Variants in ZNF226 observed in about 807,000 individuals in gnomAD.
ZNF226 encodes the protein zinc finger protein 226, also known as Kruppel-associated box protein.
In ZNF226, 6 loss-of-function variants were observed where a neutral mutation model predicts 11.4. The ratio of observed to expected loss-of-function variants is 0.53; its 90% confidence interval spans 0.29 to 1.04. ZNF226 has a LOEUF of 1.04. Ranked by LOEUF, ZNF226 falls within the 50% of genes least tolerant of loss-of-function variation. The pLI, the probability that ZNF226 is intolerant of heterozygous loss-of-function variation, is 0.08. For synonymous variants in ZNF226, 350 were observed against 322.8 expected (o/e 1.08, Z -0.90); for missense variants, 1,058 against 956.5 (o/e 1.11, Z -1.40).
At chr19:44,173,438 A>T (rs1970350204) in intron 5 of ZNF226, 1 of 168,088 alleles carries the variant, frequency 5.9e-6, no homozygotes, top group African/African-American at 2.4e-5. Flanking sequence ...TTCTTCATTC[A>T]TTTCTTTGCT....
intron 2 of ZNF226, among the ~76,000 whole-genome samples, chr19:44,167,283 T>C (rs1177437013): frequency 6.6e-6 from 1 of 151,996 alleles, no homozygotes. Context: ...ATCGTTATTA[T>C]TCTGATTAAT....
chr19:44,165,671 C>G (rs1350521067), intron 1 of ZNF226, 86 bp from the exon 2 acceptor site: 1 of 152,194 alleles, frequency 6.6e-6, no homozygotes, highest in Non-Finnish European at 1.5e-5. Context: ...AGGGTTGCTT[C>G]TAACTGGTCC....
At chr19:44,171,745 C>G (rs1331550209) in intron 3 of ZNF226, among the ~76,000 whole-genome samples, 1 of 152,186 alleles carries the variant, frequency 6.6e-6, no homozygotes, top group Non-Finnish European at 1.5e-5. Flanking sequence ...ACGCTGCTCA[C>G]TTGGCTCCCA....
chr19:44,198,288 G>A, the ZNF226 span, among the ~76,000 whole-genome samples: 17 of 152,152 alleles, frequency 1.1e-4, no homozygotes, highest in African/African-American at 4.1e-4. Context: ...ATTCTTGACT[G>A]TTGCTTTTGT....
chr19:44,171,971 G>C (rs1201963629), intron 3 of ZNF226, 117 bp from the exon 4 acceptor site: 1 of 1,393,314 alleles, frequency 7.2e-7, no homozygotes, highest in Non-Finnish European at 1.0e-6. Flanking sequence ...GACAGGAGAA[G>C]GGCTGGGAAA....
chr19:44,196,451 G>A, the ZNF226 span, among the ~76,000 whole-genome samples: 2 of 152,150 alleles, frequency 1.3e-5, no homozygotes, highest in South Asian at 4.1e-4. Context: ...CAAAAGTATG[G>A]ACTAACACTG....
rs201830106 is a variant in ZNF226 at position 44,177,642 on chromosome 19, G to T, written c.2380G>T (p.Glu794Ter). Residue 794 changes from glutamate to a stop codon, truncating the protein, a stop_gained, in exon 6 of 6, where the codon GAA (glutamate) becomes TAA (stop). Transcript: ENST00000337433. LOFTEE classifies it high-confidence loss of function. The part of the protein sequence containing the change: ...KSNRGGKNIR[E>*]STQEKKSIK ...TAATAGGGGTGGTAAGAACATCAGA[G>T]AATCCACACAGGAAAAAAAATCTAT... 9.8e-5 allele frequency: 156 copies of T among 1,596,748 alleles called. No homozygotes were observed. The highest frequency in any genetic ancestry group is 1.2e-4 in the Non-Finnish European group (144 of 1,172,626).
At chr19:44,184,945 G>C in the ZNF226 span, among the ~76,000 whole-genome samples, 1 of 152,022 alleles carries the variant, frequency 6.6e-6, no homozygotes, top group African/African-American at 2.4e-5. Context: ...CCCAGCCCCT[G>C]GTAACTACCT....
chr19:44,176,742 CAG>C lies in ZNF226; in HGVS notation c.1485_1486del (p.Arg495SerfsTer12), dbSNP rs767274447. ...TCTGAGTTCAAATCTTCAAGCCCATCAGAGAGTCCACACTGGAGAGAAGCCAT... is the reference window on the plus strand; with the variant it reads ...TCTGAGTTCAAATCTTCAAGCCCATCAGAGTCCACACTGGAGAGAAGCCAT... ...FTLSSNLQAH[Q>X]RVHTGEKPYK... On this transcript the variant is annotated frameshift_variant, in exon 6 of 6. Coordinates refer to ENST00000337433, the MANE Select transcript of ZNF226 (RefSeq NM_001032373.2). LOFTEE classifies it low-confidence loss of function (END_TRUNC). 1 of 1,614,050 alleles carries C rather than the reference CAG, an allele frequency of 6.2e-7. No individual in the cohort carries two copies. Among genetic ancestry groups the C allele is most frequent in the Non-Finnish European group, 8.5e-7 (1 of 1,180,040 alleles).
At chr19:44,180,414 C>T (rs1970889952), downstream of ZNF226, among the ~76,000 whole-genome samples, 1 of 152,180 alleles carries the variant, frequency 6.6e-6, no homozygotes, top group Non-Finnish European at 1.5e-5. Context: ...TGCATCTTCA[C>T]ATGCTAAGTA....
chr19:44,184,510 C>T, the ZNF226 span, among the ~76,000 whole-genome samples: 1 of 150,934 alleles, frequency 6.6e-6, no homozygotes, highest in African/African-American at 2.4e-5. Flanking sequence ...ATCCGGGAGG[C>T]GGTGGAGGTT....
chr19:44,166,855 G>A (rs1969434408), intron 2 of ZNF226: 2 of 152,146 alleles, frequency 1.3e-5, no homozygotes, highest in Admixed American at 1.3e-4. Flanking sequence ...ATAGGACCCA[G>A]AAATCTGCAT....
chr19:44,167,491 T>C (rs1279632224), intron 2 of ZNF226, among the ~76,000 whole-genome samples: 1 of 151,976 alleles, frequency 6.6e-6, no homozygotes, highest in African/African-American at 2.4e-5. Flanking sequence ...CTAATTTTTT[T>C]GTATTTTTAG....
chr19:44,175,509 CAAAG>C lies in ZNF226; in HGVS notation c.248_251del (p.Gln83LeufsTer3), dbSNP rs1191317703. ...CTTTGTCCTTACAGGAGAGAAAAAT[CAAAG>C]TAAGTTAATTACTGTTCAAGACAGA... On this transcript the variant is annotated frameshift_variant, in exon 6 of 6. Transcript: ENST00000337433. LOFTEE classifies it low-confidence loss of function (END_TRUNC). 2 of 1,582,640 alleles carry C rather than the reference CAAAG, an allele frequency of 1.3e-6. No individual in the cohort carries two copies. Among genetic ancestry groups the C allele is most frequent in the Non-Finnish European group, 8.6e-7 (1 of 1,168,804 alleles).
chr19:44,186,878 T>TG, the ZNF226 span, among the ~76,000 whole-genome samples: 1 of 63,858 alleles, frequency 1.6e-5, no homozygotes, highest in South Asian at 5.0e-4. Context: ...TTAAGTGGTT[T>TG]TTTTTTTTTA....
intron 5 of ZNF226, chr19:44,174,692 A>G (rs528461229): frequency 4.6e-4 from 116 of 250,212 alleles, no homozygotes; most frequent in African/African-American, 2.3e-3. Context: ...CTAGTAGACC[A>G]CTTTGTCAAT....
intron 2 of ZNF226, 62 bp from the exon 3 acceptor site, chr19:44,169,973 G>A: frequency 8.7e-7 from 1 of 1,155,530 alleles, no homozygotes. Context: ...TTCCTAAAGA[G>A]CAGCCACGTG....
the ZNF226 span, among the ~76,000 whole-genome samples, chr19:44,190,457 C>T: frequency 6.6e-6 from 1 of 152,068 alleles, no homozygotes; most frequent in African/African-American, 2.4e-5. Flanking sequence ...CCTCAGCCTC[C>T]CGAGTAGCTG....
At chr19:44,179,717 T>C (rs1399691079), downstream of ZNF226, among the ~76,000 whole-genome samples, 4 of 152,020 alleles carry the variant, frequency 2.6e-5, no homozygotes, top group East Asian at 1.9e-4. Flanking sequence ...CTTGGTCTGA[T>C]TGGGGGAAAT....
Sources: gnomAD v4.1 joint callset for allele counts (sites outside exome capture counted in the v4.1 genomes callset) on GRCh38, gnomAD v4.1.1 for gene constraint, MANE v1.5 for transcripts, NCBI Gene and HGNC (gene_info 2026-07-23, HGNC 2026-07-21) for gene names.